Variants in ZNF469 observed in about 807,000 individuals in gnomAD.
The protein encoded by ZNF469 is zinc finger protein 469.
A neutral mutation model predicts 1.0 loss-of-function variants in ZNF469; 1 was observed. The ratio of observed to expected loss-of-function variants is 1.00; its 90% CI spans 0.35 to 4.73. The LOEUF is 4.73. Ranked by LOEUF, ZNF469 falls within the 30% of genes most tolerant of loss-of-function variation. ZNF469 has a pLI of 0.16. For missense variants in ZNF469, 6,100 were observed against 5,356.3 expected (o/e 1.14, Z -4.33); for synonymous variants, 2,703 against 2,363.4 (o/e 1.14, Z -4.17).
Position 88,437,558 on chromosome 16 carries a change from G to A in ZNF469, c.10088G>A (p.Arg3363His), listed in dbSNP as rs1250343958. 3 of 1,537,992 alleles carry A rather than the reference G, an allele frequency of 2.0e-6. No homozygotes were observed. Among genetic ancestry groups the A allele is most frequent in the South Asian group, 1.2e-5 (1 of 83,732 alleles). ...CACCTGGCGGTGCACAGCCCGCAGCGCGTCTACCTGTGCCCCCGGTGCCCC... is the reference window on the plus strand; with the variant it reads ...CACCTGGCGGTGCACAGCCCGCAGCACGTCTACCTGTGCCCCCGGTGCCCC... Reference protein sequence around the residue: ...QRHLAVHSPQRVYLCPRCPRV... With the variant: ...QRHLAVHSPQHVYLCPRCPRV... The change falls in exon 3 of 3, where the codon CGC (arginine) becomes CAC (histidine). Residue 3363 changes from arginine (R) to histidine (H), a missense_variant. Arg to His is a conservative substitution (Grantham distance 29, BLOSUM62 0). Coordinates refer to ENST00000565624, the MANE Select transcript of ZNF469 (RefSeq NM_001367624.2).
chr16:88,185,735 CAT>C, the ZNF469 span, among the ~76,000 whole-genome samples: 1 of 137,944 alleles, frequency 7.2e-6, no homozygotes, highest in Non-Finnish European at 1.5e-5. Flanking sequence ...CATACACACG[CAT>C]ACACACTCGT....
At chr16:88,408,697 G>C (rs1030007544) in intron 1 of ZNF469, among the ~76,000 whole-genome samples, 2 of 152,122 alleles carry the variant, frequency 1.3e-5, no homozygotes, top group East Asian at 1.9e-4. Flanking sequence ...GCTTACTGCC[G>C]GGGCCACATG....
chr16:88,190,609 GA>G, the ZNF469 span, among the ~76,000 whole-genome samples: 1 of 152,208 alleles, frequency 6.6e-6, no homozygotes, highest in African/African-American at 2.4e-5. Flanking sequence ...AGCTATTGAA[GA>G]CTCCAGGCTG....
chr16:88,214,275 T>C, the ZNF469 span, among the ~76,000 whole-genome samples: 2 of 152,222 alleles, frequency 1.3e-5, no homozygotes, highest in Admixed American at 1.3e-4. Flanking sequence ...TGACCCCATC[T>C]GCAGTTTGCT....
rs980210517 is a variant in ZNF469 at position 88,434,872 on chromosome 16, C to T, written c.7402C>T (p.Pro2468Ser). The T allele has an allele frequency of 6.5e-7, 1 of 1,550,378 alleles. No individual in the cohort carries two copies. Residue 2468 changes from proline to serine, a missense_variant, in exon 3 of 3, where the codon CCA becomes TCA. Physicochemically the swap from Pro to Ser is moderately conservative, Grantham distance 74. Coordinates refer to ENST00000565624, the MANE Select transcript of ZNF469 (RefSeq NM_001367624.2). The part of the protein sequence containing the change: ...TENGQWKGQA[P>S]HGPVTCEVCA... ...GAACGGCCAGTGGAAGGGCCAAGCT[C>T]CACATGGGCCTGTGACCTGTGAGGT...
the ZNF469 span, among the ~76,000 whole-genome samples, chr16:88,151,170 C>T: frequency 6.6e-6 from 1 of 152,222 alleles, no homozygotes; most frequent in South Asian, 2.1e-4. The surrounding 1 kb of genome is among the most constrained non-coding windows in gnomAD (Gnocchi z 5.4). Context: ...AAGTCTTATT[C>T]CTTTGAAACA....
At chr16:88,201,014 G>C in the ZNF469 span, among the ~76,000 whole-genome samples, 1 of 152,188 alleles carries the variant, frequency 6.6e-6, no homozygotes, top group African/African-American at 2.4e-5. The surrounding 1 kb of genome is among the most constrained non-coding windows in gnomAD (Gnocchi z 5.0). Flanking sequence ...GTCTTTCTTT[G>C]GGACCACGTC....
chr16:88,124,706 T>G, the ZNF469 span, among the ~76,000 whole-genome samples: 2 of 152,212 alleles, frequency 1.3e-5, no homozygotes, highest in Non-Finnish European at 2.9e-5. Context: ...TGCCTCAGTC[T>G]CCCGAGTAGG....
the ZNF469 span, among the ~76,000 whole-genome samples, chr16:88,352,834 C>T: frequency 1.3e-5 from 2 of 152,206 alleles, no homozygotes; most frequent in Admixed American, 1.3e-4. Flanking sequence ...TGGCTGACCC[C>T]GTCCTGCTGC....
At chr16:88,185,432 A>G in the ZNF469 span, among the ~76,000 whole-genome samples, 2 of 152,094 alleles carry the variant, frequency 1.3e-5, no homozygotes, top group African/African-American at 4.8e-5. Context: ...TACAATAGAA[A>G]CACATGCATA....
the ZNF469 span, among the ~76,000 whole-genome samples, chr16:88,347,748 C>G: frequency 6.6e-6 from 1 of 152,188 alleles, no homozygotes; most frequent in Non-Finnish European, 1.5e-5. Flanking sequence ...GCCTTTCCAG[C>G]CTTGGCTCAA....
chr16:88,296,028 C>T, the ZNF469 span, among the ~76,000 whole-genome samples: 1 of 152,226 alleles, frequency 6.6e-6, no homozygotes, highest in African/African-American at 2.4e-5. Context: ...CCCCCTCGGG[C>T]TCTCGGCTCT....
chr16:88,381,283 C>CAG (rs2092524055), upstream of ZNF469, among the ~76,000 whole-genome samples: 1 of 150,458 alleles, frequency 6.6e-6, no homozygotes, highest in South Asian at 2.1e-4. Flanking sequence ...TGCACTCACA[C>CAG]ACACGCACTC....
At position 88,436,790 on chromosome 16, in the gene ZNF469, C is replaced by T. The variant is rs1208219883; in HGVS notation, c.9320C>T (p.Pro3107Leu). Reference sequence around the variant, plus strand: ...GGGAGGGCCCAAGGCAGAGGCCGGCCGGCCAAGGGCAGGCGGGCCTCCTAC... The same window carrying T: ...GGGAGGGCCCAAGGCAGAGGCCGGCTGGCCAAGGGCAGGCGGGCCTCCTAC... Reference protein sequence around the residue: ...GAGRAQGRGRPAKGRRASYKC... With the variant: ...GAGRAQGRGRLAKGRRASYKC... The change falls in exon 3 of 3, where the codon CCG becomes CTG. Residue 3107 changes from proline (P) to leucine (L), a missense_variant. Physicochemically the swap from Pro to Leu is moderately conservative, Grantham distance 98 (BLOSUM62 -3). Coordinates refer to ENST00000565624, the MANE Select transcript of ZNF469 (RefSeq NM_001367624.2). 32 of 1,543,954 alleles carry T rather than the reference C, an allele frequency of 2.1e-5. No homozygotes were observed. Among genetic ancestry groups the T allele is most frequent in the Non-Finnish European group, 2.4e-5 (27 of 1,146,086 alleles).
chr16:88,194,213 A>G, the ZNF469 span: 1 of 152,302 alleles, frequency 6.6e-6, no homozygotes, highest in African/African-American at 2.4e-5. Flanking sequence ...TGCTCAGGCC[A>G]CACGGCCTGC....
chr16:88,131,367 C>T, the ZNF469 span, among the ~76,000 whole-genome samples: 2 of 144,356 alleles, frequency 1.4e-5, no homozygotes, highest in African/African-American at 2.9e-5. Context: ...AGGGGCCGGC[C>T]TGTTTGTTAG....
At chr16:88,404,219 G>A (rs966095127) in intron 1 of ZNF469, among the ~76,000 whole-genome samples, 1 of 152,240 alleles carries the variant, frequency 6.6e-6, no homozygotes, top group African/African-American at 2.4e-5. Context: ...TGGCCCCTGG[G>A]CAGCCTGGCT....
At chr16:88,240,232 G>T in the ZNF469 span, among the ~76,000 whole-genome samples, 1 of 152,232 alleles carries the variant, frequency 6.6e-6, no homozygotes, top group Non-Finnish European at 1.5e-5. Flanking sequence ...TCTCACACGG[G>T]TTTCTTTCAC....
At chr16:88,233,335 AC>A in the ZNF469 span, among the ~76,000 whole-genome samples, 2 of 152,080 alleles carry the variant, frequency 1.3e-5, no homozygotes, top group African/African-American at 4.8e-5. Context: ...GGGCAGCCCC[AC>A]CATGGCCAGT....
Sources: gnomAD v4.1 joint callset for allele counts (sites outside exome capture counted in the v4.1 genomes callset) on GRCh38, gnomAD v4.1.1 for gene constraint, Gnocchi (gnomAD v3.1) non-coding constraint, MANE v1.5 for transcripts, NCBI Gene and HGNC (gene_info 2026-07-23, HGNC 2026-07-21) for gene names.